TNKS: variants seen among roughly 807,000 people sequenced by gnomAD.
The protein encoded by TNKS is tankyrase, also known as poly [ADP-ribose] polymerase tankyrase-1.
Under a neutral mutation model 135.8 loss-of-function variants are expected in TNKS, and 72 were observed. The ratio of observed to expected loss-of-function variants is 0.53; its 90% CI spans 0.44 to 0.64. TNKS has a LOEUF of 0.64. TNKS is among the 30% of genes least tolerant of loss of function. The probability of loss-of-function intolerance (pLI) is 0.00; values close to 1 mark genes in which losing one functional copy is unlikely to be tolerated. For synonymous variants in TNKS, 849 were observed against 649.3 expected, an observed-to-expected ratio of 1.31 and a Z score of -4.68; for missense variants, 1,769 against 1,674.0, an observed-to-expected ratio of 1.06 and a Z score of -0.99.
chr8:9,776,833 G>C lies in TNKS; in HGVS notation c.*97G>C. On this transcript the variant is annotated 3_prime_UTR_variant, in exon 27 of 27. Transcript: ENST00000310430. ...CAACATCAATATTCTAGAAGTCCCTGACAGCCTAGAAATAAGCTGTTTGTC... is the reference window on the plus strand; with the variant it reads ...CAACATCAATATTCTAGAAGTCCCTCACAGCCTAGAAATAAGCTGTTTGTC... The C allele has an allele frequency of 8.4e-7, 1 of 1,196,734 alleles. No individual in the cohort carries two copies. The highest frequency in any genetic ancestry group is 1.2e-6 in the Non-Finnish European group (1 of 825,692). 74.1% of individuals were successfully genotyped at this position (1,196,734 alleles called of 1,614,324 possible).
intron 12 of TNKS, among the ~76,000 whole-genome samples, chr8:9,724,340 C>T (rs1805056189): frequency 6.6e-6 from 1 of 152,066 alleles, no homozygotes; most frequent in Non-Finnish European, 1.5e-5. Context: ...ATGGTCCCAA[C>T]TACTCAGGAG....
chr8:9,558,608 T>G (rs1797188064), intron 1 of TNKS: 1 of 152,198 alleles, frequency 6.6e-6, no homozygotes, highest in Admixed American at 6.5e-5. Flanking sequence ...TCACACAAAA[T>G]AGTGCTTGTT....
At position 9,630,737 on chromosome 8, in the gene TNKS, A is replaced by G. The variant is rs919868405; in HGVS notation, c.994+15060A>G. Among the ~76,000 whole-genome samples, 4 of 152,370 alleles carry G rather than the reference A, an allele frequency of 2.6e-5. No individual in the cohort carries two copies. In the East Asian group the frequency reaches 7.7e-4, roughly 29 times the overall value. On this transcript the variant is annotated intron_variant, in intron 3 of 26. Coordinates refer to ENST00000310430, the MANE Select transcript of TNKS (RefSeq NM_003747.3). ...AATCACTTGTTTGCAGACTGCATTC[A>G]GAATTGTCATTAGGTTTCTGTAGTC... is the stretch of plus-strand genomic sequence containing the variant.
chr8:9,596,312 G>T (rs1798785632), intron 2 of TNKS, among the ~76,000 whole-genome samples: 1 of 152,124 alleles, frequency 6.6e-6, no homozygotes, highest in South Asian at 2.1e-4. Context: ...CCTTTGTACA[G>T]TTTTAATACT....
chr8:9,735,317 T>C, intron 16 of TNKS, 60 bp from the exon 17 acceptor site: 3 of 1,444,444 alleles, frequency 2.1e-6, no homozygotes, highest in Non-Finnish European at 2.9e-6. Context: ...TTATTACATA[T>C]GTATGTATTT....
intron 2 of TNKS, among the ~76,000 whole-genome samples, 197 bp downstream of exon 2, chr8:9,580,580 C>A (rs974483165): frequency 1.3e-5 from 2 of 152,206 alleles, no homozygotes; most frequent in East Asian, 3.9e-4. Flanking sequence ...ATTAACTTTC[C>A]AAATGCAGTC....
At chr8:9,606,739 A>T (rs1799235759) in intron 2 of TNKS, among the ~76,000 whole-genome samples, 1 of 151,832 alleles carries the variant, frequency 6.6e-6, no homozygotes, top group Admixed American at 6.6e-5. Flanking sequence ...TTCTCTCTAT[A>T]TGTTTAATAA....
At chr8:9,744,629 T>C (rs190557367) in intron 17 of TNKS, among the ~76,000 whole-genome samples, 1 of 152,352 alleles carries the variant, frequency 6.6e-6, no homozygotes, top group East Asian at 1.9e-4. Flanking sequence ...GTTTCTTTTC[T>C]GGACCTTCTA....
intron 1 of TNKS, chr8:9,566,663 C>T (rs1251368900): frequency 7.2e-6 from 1 of 138,122 alleles, no homozygotes; most frequent in Non-Finnish European, 1.5e-5. Context: ...CTGCGGACTG[C>T]AGTGGCGCAA....
intron 20 of TNKS, among the ~76,000 whole-genome samples, chr8:9,759,641 C>T (rs1361905792): frequency 1.3e-5 from 2 of 152,128 alleles, no homozygotes; most frequent in Non-Finnish European, 1.5e-5. Flanking sequence ...GGCCTGGTGT[C>T]TGCTTCCTCC....
At chr8:9,568,374 C>G (rs1426485109) in intron 1 of TNKS, among the ~76,000 whole-genome samples, 1 of 152,142 alleles carries the variant, frequency 6.6e-6, no homozygotes, top group African/African-American at 2.4e-5. Flanking sequence ...AGTAAAAATG[C>G]AGTGTTTCTC....
Position 9,709,985 on chromosome 8 carries a change from C to T in TNKS, c.1609C>T (p.Arg537Cys). The change falls in exon 10 of 27, where the codon CGT becomes TGT. Residue 537 changes from arginine to cysteine, a missense_variant. By Grantham distance (180) the Arg-to-Cys change is radical (BLOSUM62 -3). Around this residue, in one of 5 missense-constraint regions of TNKS, gnomAD observed 523 missense variants for 541.0 expected, o/e 0.97. Coordinates refer to ENST00000310430, the MANE Select transcript of TNKS (RefSeq NM_003747.3). ...TGCTGTGGCCTCTCTGCATCCCAAA[C>T]GTAAACAAGTGACAGAATTGTTACT... ...HCAVASLHPK[R>C]KQVTELLLRK... is the part of the protein sequence containing the mutation. The T allele has an allele frequency of 6.2e-6, 10 of 1,613,710 alleles. No individual in the cohort carries two copies. The highest frequency in any genetic ancestry group is 6.8e-6 in the Non-Finnish European group (8 of 1,179,984).
At chr8:9,741,461 T>C (rs928818350) in intron 17 of TNKS, among the ~76,000 whole-genome samples, 1 of 152,190 alleles carries the variant, frequency 6.6e-6, no homozygotes, top group African/African-American at 2.4e-5. Flanking sequence ...TTTCACAGTC[T>C]TTATAGCAGT....
At chr8:9,584,015 T>G (rs1298534195) in intron 2 of TNKS, among the ~76,000 whole-genome samples, 1 of 151,306 alleles carries the variant, frequency 6.6e-6, no homozygotes, top group African/African-American at 2.4e-5. Flanking sequence ...ATACAAAAAA[T>G]TAGCCGGGCG....
chr8:9,617,045 T>A (rs182623944), intron 3 of TNKS, among the ~76,000 whole-genome samples: 1 of 152,340 alleles, frequency 6.6e-6, no homozygotes, highest in East Asian at 1.9e-4. Flanking sequence ...TGACGTTTCC[T>A]TCTCTCCAAC....
chr8:9,733,167 C>T lies in TNKS; in HGVS notation c.2148-112C>T, dbSNP rs73531296. 738 of 869,286 alleles carry T rather than the reference C, an allele frequency of 8.5e-4. 9 individuals carry two copies. The African/African-American group carries it at 0.011, about 13-fold the overall frequency. The allele number at this position is 869,286 out of a possible 1,614,324, so 53.8% of individuals were successfully genotyped here. A position where few individuals can be genotyped will look rare whatever the true frequency, so the allele number is the denominator to read the frequency against. On this transcript the variant is annotated intron_variant, in intron 14 of 26. Coordinates refer to ENST00000310430, the MANE Select transcript of TNKS (RefSeq NM_003747.3). ...ACAGAGGTGGGTGTATTTCTTTTTG[C>T]GCAGTGTTCAGTATAGTCAGTACCA...
In TNKS at chr8:9,642,937, C is replaced by T. The variant is rs553490532; in HGVS notation, c.994+27260C>T. ...TTATAAAGTAACTGATTATACTCTA[C>T]CCCCATAATAGTAAGGAGAGATTAA... is the stretch of plus-strand genomic sequence containing the variant. On this transcript the variant is annotated intron_variant, in intron 3 of 26. Coordinates refer to ENST00000310430, the MANE Select transcript of TNKS (RefSeq NM_003747.3). Among the ~76,000 whole-genome samples the T allele has an allele frequency of 4.1e-4, 60 of 146,006 alleles. 13 individuals are homozygous for T. The highest frequency in any genetic ancestry group is 1.5e-3 in the African/African-American group (59 of 39,562).
chr8:9,583,709 G>T (rs551203882), intron 2 of TNKS, among the ~76,000 whole-genome samples: 12 of 151,966 alleles, frequency 7.9e-5, no homozygotes, highest in African/African-American at 2.9e-4. Context: ...GGATGCTCTC[G>T]ATCTCTTGAC....
intron 5 of TNKS, among the ~76,000 whole-genome samples, chr8:9,703,636 C>G (rs1647824591): frequency 2.0e-5 from 3 of 152,136 alleles, no homozygotes; most frequent in Admixed American, 2.0e-4. Flanking sequence ...TGAAATATCT[C>G]AAAAGCAATA....
Sources: allele counts gnomAD v4.1 joint callset (sites outside exome capture counted in the v4.1 genomes callset), GRCh38; gene constraint gnomAD v4.1.1; regional missense constraint gnomAD v4.1.1; transcripts MANE v1.5; gene names NCBI Gene and HGNC (gene_info 2026-07-23, HGNC 2026-07-21).